The following RBM19 variants were observed in gnomAD, a reference collection of about 807,000 sequenced individuals.
RBM19 encodes probable RNA-binding protein 19.
A neutral mutation model predicts 116.8 loss-of-function variants in RBM19; 94 were observed. The ratio of observed to expected loss-of-function variants is 0.80; its 90% confidence interval spans 0.68 to 0.95. RBM19 has a LOEUF of 0.95. Ranked by LOEUF, RBM19 falls within the 40% of genes least tolerant of loss-of-function variation. The pLI is 0.00. For synonymous variants in RBM19, 475 were observed against 494.1 expected (o/e 0.96, Z 0.51); for missense variants, 1,161 against 1,220.7 (o/e 0.95, Z 0.73).
intron 21 of RBM19, among the ~76,000 whole-genome samples, chr12:113,885,231 G>C (rs995840620): frequency 5.3e-5 from 8 of 152,210 alleles, no homozygotes; most frequent in African/African-American, 1.9e-4. Flanking sequence ...AATGATCAAA[G>C]ATAACATCAC....
intron 22 of RBM19, among the ~76,000 whole-genome samples, chr12:113,857,453 C>T (rs11832955): frequency 0.033 from 5,057 of 152,304 alleles, 278 homozygotes; most frequent in African/African-American, 0.12. Flanking sequence ...GTTGAACTGC[C>T]GTGGGTGGGA....
intron 7 of RBM19, among the ~76,000 whole-genome samples, chr12:113,952,882 A>G (rs2135930780): frequency 6.6e-6 from 1 of 152,328 alleles, no homozygotes; most frequent in African/African-American, 2.4e-5. Context: ...ATAATTGTAT[A>G]TACTTGGGAT....
chr12:113,912,910 A>C (rs1166723149), intron 21 of RBM19, among the ~76,000 whole-genome samples: 1 of 152,152 alleles, frequency 6.6e-6, no homozygotes, highest in Non-Finnish European at 1.5e-5. Context: ...GCAACGAGGA[A>C]CTGCCTTACA....
intron 21 of RBM19, among the ~76,000 whole-genome samples, chr12:113,879,641 C>T (rs1051415696): frequency 1.3e-5 from 2 of 151,918 alleles, no homozygotes; most frequent in African/African-American, 2.4e-5. Flanking sequence ...CTCCTAAGAG[C>T]TTAGTGCATA....
At chr12:113,824,079 C>T (rs1398595261) in intron 23 of RBM19, among the ~76,000 whole-genome samples, 1 of 152,118 alleles carries the variant, frequency 6.6e-6, no homozygotes, top group Non-Finnish European at 1.5e-5. Context: ...AAGAAAAGCA[C>T]GGAGGTAGGA....
intron 23 of RBM19, among the ~76,000 whole-genome samples, chr12:113,837,364 C>A (rs138174977): frequency 6.6e-6 from 1 of 152,238 alleles, no homozygotes; most frequent in Non-Finnish European, 1.5e-5. Context: ...CTTAGCCTGG[C>A]CTGACTGGAA....
chr12:113,819,171 C>T (rs1254320797), downstream of RBM19, among the ~76,000 whole-genome samples: 1 of 152,214 alleles, frequency 6.6e-6, no homozygotes, highest in East Asian at 1.9e-4. Flanking sequence ...CGGTTCCAGC[C>T]AGCCCTCCAC....
At chr12:113,852,939 C>G (rs1272986306) in intron 22 of RBM19, among the ~76,000 whole-genome samples, 1 of 152,252 alleles carries the variant, frequency 6.6e-6, no homozygotes, top group East Asian at 1.9e-4. Context: ...CACAACACGG[C>G]TCAGCACTGT....
Position 113,823,133 on chromosome 12 carries a change from GC to G in RBM19, c.*90del. On this transcript the variant is annotated 3_prime_UTR_variant, in exon 24 of 24. Transcript: ENST00000261741. ...GGGGCCGCCTGCCGCTCCCCGCCCC[GC>G]CCCCCAGCCCACATGGTGGTGAGTG... is the stretch of plus-strand genomic sequence containing the variant. 2 of 737,512 alleles carry G rather than the reference GC, an allele frequency of 2.7e-6. No individual in the cohort carries two copies. Among genetic ancestry groups the G allele is most frequent in the Non-Finnish European group, 4.3e-6 (2 of 467,696 alleles). 45.7% of individuals were successfully genotyped at this position (737,512 alleles called of 1,614,324 possible). A position where few individuals can be genotyped will look rare whatever the true frequency, so the allele number is the denominator to read the frequency against.
At position 113,826,979 on chromosome 12, in the gene RBM19, A is replaced by C. The variant is rs537360279; in HGVS notation, c.2786-3658T>G. ...GGGCCTGGCATATCTGCCAGGGTTC[A>C]GGCTGGGCCCCCAACTGCCCCCTGG... On this transcript the variant is annotated intron_variant, in intron 23 of 23. Transcript: ENST00000261741. 3.8e-3 allele frequency among the ~76,000 whole-genome samples: 573 copies of C among 152,282 alleles called. 4 individuals are homozygous for C. Among genetic ancestry groups the C allele is most frequent in the African/African-American group, 0.013 (520 of 41,560 alleles).
In RBM19 at chr12:113,962,111, G is replaced by A. The variant is rs1593661349; in HGVS notation, c.219+121C>T. On this transcript the variant is annotated intron_variant, in intron 2 of 23. Transcript: ENST00000261741. The stretch of plus-strand genomic sequence containing the variant: ...CACATGAAAGTGTGTGAATCGGTGA[G>A]GAAGAAAACCAAAGACATCACAAAG... 4.9e-6 allele frequency: 6 copies of A among 1,222,112 alleles called. No homozygotes were observed. In the East Asian group the frequency reaches 9.5e-5, roughly 19 times the overall value. 75.7% of individuals were successfully genotyped at this position (1,222,112 alleles called of 1,614,324 possible).
intron 18 of RBM19, among the ~76,000 whole-genome samples, 166 bp from the exon 19 acceptor site, chr12:113,920,856 C>T (rs1868489576): frequency 6.6e-6 from 1 of 152,180 alleles, no homozygotes; most frequent in African/African-American, 2.4e-5. Flanking sequence ...TATCATTAGT[C>T]ATCTTGACGA....
Position 113,962,327 on chromosome 12 carries a change from G to A in RBM19, c.124C>T (p.Arg42Cys), listed in dbSNP as rs762424558. 15 of 1,614,238 alleles carry A rather than the reference G, an allele frequency of 9.3e-6. No homozygotes were observed. Among genetic ancestry groups the A allele is most frequent in the East Asian group, 2.2e-5 (1 of 44,882 alleles). ...TTGAAGCCAATAAAACCAAACTTGC[G>A]GAACTTGCCATCTTTGGTGAACTTC... The part of the protein sequence containing the change: ...SLKFTKDGKF[R>C]KFGFIGFKSE... The change falls in exon 2 of 24, where the codon CGC becomes TGC. Residue 42 changes from arginine to cysteine, a missense_variant. Transcript: ENST00000261741.
In RBM19 at chr12:113,837,246, TACACAC is replaced by T. The variant is rs34948952; in HGVS notation, c.2785+7416_2785+7421del. 3.1e-4 allele frequency among the ~76,000 whole-genome samples: 39 copies of T among 126,900 alleles called. 1 individual carries two copies. Among genetic ancestry groups the T allele is most frequent in the Middle Eastern group, 4.2e-3 (1 of 240 alleles). 83.3% of individuals were successfully genotyped at this position (126,900 alleles called of 152,430 possible). A position where few individuals can be genotyped will look rare whatever the true frequency, so the allele number is the denominator to read the frequency against. ...CCAGGCTTATAACCCATCCTCCTAATACACACACACACACACACACACACACACACA... is the reference window on the plus strand; with the variant it reads ...CCAGGCTTATAACCCATCCTCCTAATACACACACACACACACACACACACA... On this transcript the variant is annotated intron_variant, in intron 23 of 23. Coordinates refer to ENST00000261741, the MANE Select transcript of RBM19 (RefSeq NM_016196.4).
At chr12:113,952,075 G>A (rs771107182) in intron 8 of RBM19, among the ~76,000 whole-genome samples, 89 of 151,228 alleles carry the variant, frequency 5.9e-4, no homozygotes, top group Non-Finnish European at 1.1e-3. Flanking sequence ...GGGCTCTGAA[G>A]CCAAGGGAGG....
chr12:113,866,023 C>T (rs536461739), intron 21 of RBM19, among the ~76,000 whole-genome samples: 29 of 152,280 alleles, frequency 1.9e-4, no homozygotes, highest in South Asian at 1.0e-3. Flanking sequence ...TTTTCTCTCC[C>T]GCAGAAGGTT....
chr12:113,953,285 C>T (rs376944199), intron 7 of RBM19, among the ~76,000 whole-genome samples: 1 of 152,158 alleles, frequency 6.6e-6, no homozygotes, highest in Non-Finnish European at 1.5e-5. Context: ...GTCAGGAGTT[C>T]GAGACCAGCC....
At chr12:113,921,507 C>T (rs1487939565) in intron 18 of RBM19, among the ~76,000 whole-genome samples, 2 of 152,158 alleles carry the variant, frequency 1.3e-5, no homozygotes, top group Non-Finnish European at 2.9e-5. Flanking sequence ...GGCTCTCTAC[C>T]TTTGGCTCAC....
chr12:113,844,635 A>C, intron 23 of RBM19, 33 bp downstream of exon 23: 1 of 1,588,566 alleles, frequency 6.3e-7, no homozygotes. Flanking sequence ...CAGGGGGCCC[A>C]TGAGTCAGCC....
Sources: gnomAD v4.1 joint callset for allele counts (sites outside exome capture counted in the v4.1 genomes callset) on GRCh38, gnomAD v4.1.1 for gene constraint, MANE v1.5 for transcripts, NCBI Gene and HGNC (gene_info 2026-07-23, HGNC 2026-07-21) for gene names.